Variants in IARS2 observed in about 807,000 individuals in gnomAD.
IARS2 encodes isoleucine--tRNA ligase, mitochondrial.
Under a neutral mutation model 126.3 loss-of-function variants are expected in IARS2, and 56 were observed. That is an observed-to-expected ratio of 0.44 (90% CI 0.36 to 0.55). The LOEUF (loss-of-function observed/expected upper bound fraction) is 0.55, where lower values mean the gene tolerates loss of function less well. IARS2 is among the 20% of genes least tolerant of loss of function. The pLI, the probability that IARS2 is intolerant of heterozygous loss-of-function variation, is 0.00. For synonymous variants in IARS2, 407 were observed against 441.1 expected, an observed-to-expected ratio of 0.92 and a Z score of 0.97; for missense variants, 1,127 against 1,245.9, an observed-to-expected ratio of 0.90 and a Z score of 1.44.
At chr1:220,107,642 A>G (rs989174092) in intron 10 of IARS2, among the ~76,000 whole-genome samples, 12 of 152,156 alleles carry the variant, frequency 7.9e-5, no homozygotes, top group Middle Eastern at 3.2e-3. Flanking sequence ...TAGACCTGAT[A>G]TATTACTTTT....
chr1:220,111,947 G>A lies in IARS2; in HGVS notation c.1479+1010G>A, dbSNP rs1351393121. On this transcript the variant is annotated intron_variant, in intron 11 of 22. Coordinates refer to ENST00000366922, the MANE Select transcript of IARS2 (RefSeq NM_018060.4). The stretch of plus-strand genomic sequence containing the variant: ...CGATTTTTGGTTGTAGAACATCTAA[G>A]TCTGACGCAATATATTTAAGCCAAG... 2.0e-5 allele frequency among the ~76,000 whole-genome samples: 3 copies of A among 151,758 alleles called. No homozygotes were observed. In the East Asian group the frequency reaches 5.8e-4, roughly 29 times the overall value.
At chr1:220,095,982 G>A in intron 1 of IARS2, 122 bp from the exon 2 acceptor site, 2 of 600,846 alleles carry the variant, frequency 3.3e-6, no homozygotes, top group Non-Finnish European at 5.8e-6. Flanking sequence ...TGAGTAGATT[G>A]GAATGGAATA....
chr1:220,137,807 G>C (rs1452351567), intron 16 of IARS2, 111 bp from the exon 17 acceptor site: 2 of 1,162,956 alleles, frequency 1.7e-6, no homozygotes, highest in East Asian at 2.4e-5. Flanking sequence ...AGTATAGTTT[G>C]TACTTACATT....
Position 220,134,480 on chromosome 1 carries a change from G to A in IARS2, c.1916G>A (p.Ser639Asn), listed in dbSNP as rs1220382505. 3 of 1,613,130 alleles carry A rather than the reference G, an allele frequency of 1.9e-6. No individual in the cohort carries two copies. Among genetic ancestry groups the A allele is most frequent in the East Asian group, 2.2e-5 (1 of 44,838 alleles). ...TGGTTTCAGTCATCCTTATTAACAA[G>A]TGTGGCAGCAAGGAAGAGAGCACCT... ...GGWFQSSLLTSVAARKRAPYK... is the reference protein window; with the variant it reads ...GGWFQSSLLTNVAARKRAPYK... The change falls in exon 15 of 23, where the codon AGT becomes AAT. Residue 639 changes from serine to asparagine, a missense_variant. Ser to Asn is a conservative substitution (Grantham distance 46). Coordinates refer to ENST00000366922, the MANE Select transcript of IARS2 (RefSeq NM_018060.4).
chr1:220,147,512 G>A lies in IARS2; in HGVS notation c.2916G>A (p.Glu972=). The part of the protein sequence containing the change: ...INLEGGDIRE[E]SSYKVIVMPT... ...TTATAGGTGGTGATATTCGTGAAGA[G>A]TCTTCCTATAAAGTAATTGTCATGC... The change falls in exon 23 of 23, where the codon GAG becomes GAA. Residue 972 remains glutamate, a synonymous_variant. Coordinates refer to ENST00000366922, the MANE Select transcript of IARS2 (RefSeq NM_018060.4). 6.2e-7 allele frequency: 1 copy of A among 1,614,136 alleles called. No homozygotes were observed. Among genetic ancestry groups the A allele is most frequent in the Non-Finnish European group, 8.5e-7 (1 of 1,179,988 alleles).
intron 2 of IARS2, among the ~76,000 whole-genome samples, chr1:220,099,390 A>G (rs1571843427): frequency 1.3e-5 from 2 of 152,178 alleles, no homozygotes; most frequent in East Asian, 3.9e-4. Flanking sequence ...CAGTCGATGT[A>G]AAACATTTTT....
At chr1:220,098,801 ATATAT>A (rs1309139298) in intron 2 of IARS2, among the ~76,000 whole-genome samples, 2 of 152,156 alleles carry the variant, frequency 1.3e-5, no homozygotes, top group African/African-American at 4.8e-5. Flanking sequence ...TAGAGGCTTC[ATATAT>A]TATATTTTAT....
intron 2 of IARS2, among the ~76,000 whole-genome samples, chr1:220,099,880 A>AG (rs1656535677): frequency 6.6e-6 from 1 of 152,074 alleles, no homozygotes; most frequent in Admixed American, 6.6e-5. Context: ...GAGTTTTTAA[A>AG]GGGGGGAAGG....
chr1:220,140,031 A>T, intron 18 of IARS2, 152 bp from the exon 19 acceptor site: 1 of 645,244 alleles, frequency 1.5e-6, no homozygotes. Context: ...CAGAAATGAC[A>T]TTTGGAAGAT....
intron 12 of IARS2, among the ~76,000 whole-genome samples, chr1:220,119,719 A>G (rs1216248338): frequency 6.6e-6 from 1 of 152,108 alleles, no homozygotes; most frequent in African/African-American, 2.4e-5. Context: ...TTGTTTATAA[A>G]GGAACATAAT....
chr1:220,109,395 A>G, intron 10 of IARS2, among the ~76,000 whole-genome samples: 1 of 144,714 alleles, frequency 6.9e-6, no homozygotes, highest in Non-Finnish European at 1.5e-5. Flanking sequence ...GCGAGAGTCC[A>G]TCTCAAAAAA....
intron 12 of IARS2, among the ~76,000 whole-genome samples, chr1:220,124,685 A>G (rs898996128): frequency 3.3e-5 from 5 of 152,256 alleles, no homozygotes; most frequent in East Asian, 3.8e-4. Context: ...ATGGCATTGC[A>G]TCTTGTGCAG....
At chr1:220,126,930 T>C in intron 14 of IARS2, 87 bp downstream of exon 14, 1 of 900,152 alleles carries the variant, frequency 1.1e-6, no homozygotes, top group Non-Finnish European at 1.7e-6. Flanking sequence ...TCAAACTCTT[T>C]TTCTGTGTGT....
intron 12 of IARS2, among the ~76,000 whole-genome samples, chr1:220,119,170 G>A (rs904649026): frequency 4.6e-5 from 7 of 152,070 alleles, no homozygotes; most frequent in Non-Finnish European, 7.4e-5. Context: ...TGATATCGAA[G>A]TTCAGAATGA....
At chr1:220,138,679 A>G (rs1657429527) in intron 17 of IARS2, among the ~76,000 whole-genome samples, 1 of 152,042 alleles carries the variant, frequency 6.6e-6, no homozygotes, top group African/African-American at 2.4e-5. Flanking sequence ...TTCATTGTGA[A>G]GCAAGTGAAA....
Position 220,117,139 on chromosome 1 carries a change from T to C in IARS2, c.1640+2665T>C, listed in dbSNP as rs1489682256. Among the ~76,000 whole-genome samples, 7 of 151,720 alleles carry C rather than the reference T, an allele frequency of 4.6e-5. No homozygotes were observed. The South Asian group carries it at 1.5e-3, about 31-fold the overall frequency. ...TTAAAATTTCACACTGGAAAGTTTT[T>C]TTTTTTTTTGGAAAGTTTTATAAGC... On this transcript the variant is annotated intron_variant, in intron 12 of 22. Transcript: ENST00000366922.
intron 10 of IARS2, among the ~76,000 whole-genome samples, chr1:220,110,296 G>GT (rs1656772592): frequency 6.6e-6 from 1 of 152,102 alleles, no homozygotes; most frequent in Non-Finnish European, 1.5e-5. Flanking sequence ...CTGACCTCAA[G>GT]TGATCCTCTC....
At chr1:220,134,538 C>CTG in intron 15 of IARS2, 28 bp downstream of exon 15, 1 of 1,399,004 alleles carries the variant, frequency 7.1e-7, no homozygotes, top group Non-Finnish European at 1.0e-6. Context: ...AACCAACCTG[C>CTG]TGAGTACCTG....
At position 220,145,493 on chromosome 1, in the gene IARS2, A is replaced by T. The variant is rs776403762; in HGVS notation, c.2752-16A>T. On this transcript the variant is annotated splice_polypyrimidine_tract_variant and intron_variant, in intron 21 of 22. Transcript: ENST00000366922. The stretch of plus-strand genomic sequence containing the variant: ...AAATTTAACATAAACTGTAACTTTC[A>T]CATGCTTCCTTCCAGATGCTGCAGT... The T allele has an allele frequency of 9.3e-5, 147 of 1,587,748 alleles. 3 individuals are homozygous for T. The South Asian group carries it at 1.0e-3, about 11-fold the overall frequency.
Sources: allele counts gnomAD v4.1 joint callset (sites outside exome capture counted in the v4.1 genomes callset), GRCh38; gene constraint gnomAD v4.1.1; transcripts MANE v1.5; gene names NCBI Gene and HGNC (gene_info 2026-07-23, HGNC 2026-07-21).